The following RBL2 variants were observed in gnomAD, a reference collection of about 807,000 sequenced individuals.
The protein encoded by RBL2 is RB transcriptional corepressor like 2.
A neutral mutation model predicts 126.0 loss-of-function variants in RBL2; 56 were observed. The ratio of observed to expected loss-of-function variants is 0.44; its 90% CI spans 0.36 to 0.56. RBL2 has a LOEUF of 0.56. Among genes scored for constraint, RBL2 ranks in the 20% least tolerant of loss-of-function variants. The pLI, the probability that RBL2 is intolerant of heterozygous loss-of-function variation, is 0.00. For synonymous variants in RBL2, 454 were observed against 478.5 expected, an observed-to-expected ratio of 0.95 and a Z score of 0.67; for missense variants, 1,229 against 1,398.2, an observed-to-expected ratio of 0.88 and a Z score of 1.93.
In RBL2 at chr16:53,446,765, T is replaced by C. The variant is rs923569894; in HGVS notation, c.573-277T>C. 1.8e-4 allele frequency among the ~76,000 whole-genome samples: 27 copies of C among 152,230 alleles called. 1 individual carries two copies. The highest frequency in any genetic ancestry group is 1.0e-3 in the South Asian group (5 of 4,828). On this transcript the variant is annotated intron_variant, in intron 3 of 21. Coordinates refer to ENST00000262133, the MANE Select transcript of RBL2 (RefSeq NM_005611.4). The stretch of plus-strand genomic sequence containing the variant: ...TGTGTCATCAAAAGAACTATTTTTA[T>C]TCATTTTATTTTCCACCTCACCTAT...
At chr16:53,484,908 C>T (rs1369446325) in intron 21 of RBL2, among the ~76,000 whole-genome samples, 2 of 151,936 alleles carry the variant, frequency 1.3e-5, no homozygotes, top group Admixed American at 6.6e-5. Context: ...GTTGGAGTGG[C>T]TGTATTAATA....
At chr16:53,436,532 G>GCAGC (rs2057960105) in intron 1 of RBL2, among the ~76,000 whole-genome samples, 6 of 152,184 alleles carry the variant, frequency 3.9e-5, no homozygotes. Context: ...TGGATATAGA[G>GCAGC]CAGCAAACCT....
At chr16:53,477,359 A>T (rs1164641409) in intron 17 of RBL2, among the ~76,000 whole-genome samples, 1 of 152,126 alleles carries the variant, frequency 6.6e-6, no homozygotes, top group Non-Finnish European at 1.5e-5. Flanking sequence ...CTTTTTTAAG[A>T]CTGAGTCTTG....
At chr16:53,474,507 G>A (rs1456811643) in intron 17 of RBL2, among the ~76,000 whole-genome samples, 4 of 151,868 alleles carry the variant, frequency 2.6e-5, no homozygotes, top group South Asian at 2.1e-4. Flanking sequence ...GTAGGGACGG[G>A]GTTTCTCCAT....
At chr16:53,437,766 G>C (rs1416443117) in intron 1 of RBL2, among the ~76,000 whole-genome samples, 1 of 151,900 alleles carries the variant, frequency 6.6e-6, no homozygotes, top group African/African-American at 2.4e-5. Context: ...AGGGGCTCAC[G>C]CCTGTAATCC....
chr16:53,434,748 C>A lies in RBL2; in HGVS notation c.192C>A (p.Ala64=). Residue 64 remains alanine (A), a synonymous_variant, in exon 1 of 22, where the codon GCC becomes GCA. Transcript: ENST00000262133. The stretch of plus-strand genomic sequence containing the variant: ...TCAACATGGACGAGGCGGCGCGGGC[C>A]GAGGCCTGGGACAGCTACCGCAGCA... ...SRLNMDEAAR[A]EAWDSYRSMS... is the part of the protein sequence containing the mutation. 1.3e-6 allele frequency: 2 copies of A among 1,543,880 alleles called. No individual in the cohort carries two copies. The highest frequency in any genetic ancestry group is 1.8e-4 in the Middle Eastern group (1 of 5,696).
chr16:53,489,163 T>G (rs1185008189), intron 21 of RBL2: 2 of 151,936 alleles, frequency 1.3e-5, no homozygotes, highest in Non-Finnish European at 2.9e-5. Context: ...CTTTAAAGAA[T>G]AAAAATAACA....
At chr16:53,466,577 C>G (rs1337435203) in intron 13 of RBL2, among the ~76,000 whole-genome samples, 1 of 151,874 alleles carries the variant, frequency 6.6e-6, no homozygotes, top group Non-Finnish European at 1.5e-5. Context: ...AGCATGCAAC[C>G]TAGATCCCTT....
chr16:53,485,973 A>G (rs1384029721), intron 21 of RBL2, among the ~76,000 whole-genome samples: 1 of 152,108 alleles, frequency 6.6e-6, no homozygotes, highest in Non-Finnish European at 1.5e-5. Context: ...AGTATACATT[A>G]AAAGTATAAT....
intron 10 of RBL2, 147 bp from the exon 11 acceptor site, chr16:53,462,405 T>C (rs1015405105): frequency 3.9e-6 from 2 of 517,792 alleles, no homozygotes; most frequent in African/African-American, 2.0e-5. Context: ...ATCTTAGGGA[T>C]AATTAAAACA....
At position 53,491,347 on chromosome 16, in the gene RBL2, T is replaced by C. The variant is rs1282146391; in HGVS notation, c.*1047T>C. 1 of 152,232 alleles carries C rather than the reference T, an allele frequency of 6.6e-6. No homozygotes were observed. The highest frequency in any genetic ancestry group is 1.5e-5 in the Non-Finnish European group (1 of 68,026). 9.4% of individuals were successfully genotyped at this position (152,232 alleles called of 1,614,324 possible). On this transcript the variant is annotated 3_prime_UTR_variant, in exon 22 of 22. Coordinates refer to ENST00000262133, the MANE Select transcript of RBL2 (RefSeq NM_005611.4). ...GGTTTTTATTAGTACCATAGTACCA[T>C]TTATACAAATTAGAAAATGTTATTT...
At chr16:53,440,586 C>T (rs1238792905) in intron 2 of RBL2, among the ~76,000 whole-genome samples, 1 of 152,102 alleles carries the variant, frequency 6.6e-6, no homozygotes, top group Non-Finnish European at 1.5e-5. Flanking sequence ...TGGAGTCTTG[C>T]TGTTTCACCC....
Position 53,434,634 on chromosome 16 carries a change from G to GGAC in RBL2, c.83_85dup (p.Asp28dup), listed in dbSNP as rs764655439. The GGAC allele has an allele frequency of 1.2e-5, 18 of 1,564,448 alleles. No individual in the cohort carries two copies. Among genetic ancestry groups the GGAC allele is most frequent in the African/African-American group, 2.7e-5 (2 of 73,376 alleles). On this transcript the variant is annotated inframe_insertion, in exon 1 of 22. Transcript: ENST00000262133. ...CGGCAGCCTCGGATGAGGAGGAGGA[G>GGAC]GACGACGGCGAGGCGGAAGACGCCG...
chr16:53,438,187 T>C (rs1309556844), intron 1 of RBL2, among the ~76,000 whole-genome samples: 1 of 152,116 alleles, frequency 6.6e-6, no homozygotes, highest in African/African-American at 2.4e-5. Flanking sequence ...ATGTCATGTT[T>C]CTGCGTCAAA....
In RBL2 at chr16:53,470,490, C is replaced by T. The variant is rs563284427; in HGVS notation, c.2353C>T (p.Leu785=). Residue 785 remains leucine, a synonymous_variant, in exon 16 of 22, where the codon CTG becomes TTG. Transcript: ENST00000262133. ...GSIQPLSAQA[L]AGSLSSQQVT... ...CATCCAGCCCCTCAGTGCTCAGGCC[C>T]TGGCTGGAAGTCTGAGCTCTCAACA... The T allele has an allele frequency of 1.2e-6, 2 of 1,614,182 alleles. No homozygotes were observed. Among genetic ancestry groups the T allele is most frequent in the East Asian group, 2.2e-5 (1 of 44,874 alleles).
At chr16:53,446,388 C>A (rs192536203) in intron 3 of RBL2, among the ~76,000 whole-genome samples, 60 of 152,264 alleles carry the variant, frequency 3.9e-4, no homozygotes, top group African/African-American at 1.4e-3. Context: ...TAATCTTCTC[C>A]ACGGAATTTC....
chr16:53,446,266 G>A (rs111611700), intron 3 of RBL2, among the ~76,000 whole-genome samples: 2 of 152,290 alleles, frequency 1.3e-5, no homozygotes, highest in African/African-American at 2.4e-5. Context: ...ATGGACTGGT[G>A]AACTAAGTAC....
chr16:53,474,388 C>T (rs1414097538), intron 17 of RBL2, among the ~76,000 whole-genome samples: 2 of 152,178 alleles, frequency 1.3e-5, no homozygotes, highest in East Asian at 3.8e-4. Flanking sequence ...GAGATCTTGG[C>T]TCACCGCAAC....
chr16:53,446,989 T>C, intron 3 of RBL2, 53 bp from the exon 4 acceptor site: 1 of 1,113,476 alleles, frequency 9.0e-7, no homozygotes, highest in Non-Finnish European at 1.3e-6. Flanking sequence ...ATTTGGGATT[T>C]TTTTTTCTGA....
Sources: allele counts gnomAD v4.1 joint callset (sites outside exome capture counted in the v4.1 genomes callset), GRCh38; gene constraint gnomAD v4.1.1; transcripts MANE v1.5; gene names NCBI Gene and HGNC (gene_info 2026-07-23, HGNC 2026-07-21).